Variants in CDH13 observed in about 807,000 individuals in gnomAD.
The protein encoded by CDH13 is cadherin 13, also known as cadherin-13.
In CDH13, 24 loss-of-function variants were observed where a neutral mutation model predicts 63.8. The observed-to-expected ratio is 0.38, with a 90% CI of 0.27 to 0.53. CDH13 has a LOEUF of 0.53. Among genes scored for constraint, CDH13 ranks in the 20% least tolerant of loss-of-function variants. The pLI is 0.85. For synonymous variants in CDH13, 503 were observed against 355.3 expected, an observed-to-expected ratio of 1.42 and a Z score of -4.67; for missense variants, 1,049 against 903.1, an observed-to-expected ratio of 1.16 and a Z score of -2.07.
intron 4 of CDH13, among the ~76,000 whole-genome samples, chr16:83,136,299 T>C (rs1236607934): frequency 6.6e-6 from 1 of 151,412 alleles, no homozygotes; most frequent in Non-Finnish European, 1.5e-5. Flanking sequence ...CTGGCTAACA[T>C]GGTGAAACCC....
At chr16:82,926,675 A>T (rs917686446) in intron 2 of CDH13, among the ~76,000 whole-genome samples, 1 of 152,184 alleles carries the variant, frequency 6.6e-6, no homozygotes, top group Non-Finnish European at 1.5e-5. Flanking sequence ...ATAAGCCAGG[A>T]AGTGATTCTA....
At chr16:83,383,527 G>C (rs1672819575) in intron 6 of CDH13, among the ~76,000 whole-genome samples, 1 of 152,084 alleles carries the variant, frequency 6.6e-6, no homozygotes, top group Non-Finnish European at 1.5e-5. Context: ...TACATTTATG[G>C]TTGGCATTCT....
At chr16:83,708,334 C>T (rs1598535187) in intron 10 of CDH13, among the ~76,000 whole-genome samples, 1 of 152,222 alleles carries the variant, frequency 6.6e-6, no homozygotes, top group South Asian at 2.1e-4. Flanking sequence ...TGCTTGGGTT[C>T]AACCTCATTA....
At chr16:83,232,795 C>A (rs543279428) in intron 5 of CDH13, among the ~76,000 whole-genome samples, 3 of 152,188 alleles carry the variant, frequency 2.0e-5, no homozygotes, top group East Asian at 3.9e-4. Context: ...AATGCAAGAA[C>A]AACCTAACAC....
At chr16:83,063,732 A>G (rs1343616363) in intron 3 of CDH13, among the ~76,000 whole-genome samples, 3 of 152,216 alleles carry the variant, frequency 2.0e-5, no homozygotes, top group African/African-American at 4.8e-5. Context: ...TTGGAGGCCA[A>G]AAGTTCAAAA....
intron 3 of CDH13, among the ~76,000 whole-genome samples, chr16:83,087,300 C>T (rs1256199425): frequency 6.6e-6 from 1 of 152,028 alleles, no homozygotes; most frequent in East Asian, 1.9e-4. Flanking sequence ...CATTTTATTG[C>T]TTTGAAATAT....
At chr16:83,407,578 C>G (rs1209365363) in intron 6 of CDH13, among the ~76,000 whole-genome samples, 1 of 152,114 alleles carries the variant, frequency 6.6e-6, no homozygotes, top group Non-Finnish European at 1.5e-5. Flanking sequence ...ATCTCCTTAG[C>G]CTATAATTGC....
intron 6 of CDH13, among the ~76,000 whole-genome samples, chr16:83,445,026 G>A (rs1348844034): frequency 1.3e-5 from 2 of 151,954 alleles, no homozygotes; most frequent in Admixed American, 6.6e-5. Flanking sequence ...TTCAAATGAG[G>A]CCATGCTAGT....
chr16:83,337,480 G>A (rs1206584008), intron 5 of CDH13, among the ~76,000 whole-genome samples: 1 of 152,168 alleles, frequency 6.6e-6, no homozygotes, highest in African/African-American at 2.4e-5. Flanking sequence ...TTGAAGTACA[G>A]AAAATATTCA....
chr16:82,638,737 A>T (rs1908999223), intron 1 of CDH13, among the ~76,000 whole-genome samples: 1 of 148,352 alleles, frequency 6.7e-6, no homozygotes, highest in South Asian at 2.2e-4. Context: ...TTCATGCCTC[A>T]TAAAATCATT....
intron 1 of CDH13, among the ~76,000 whole-genome samples, chr16:82,776,589 CTATT>C (rs2035508485): frequency 1.3e-5 from 2 of 152,148 alleles, no homozygotes; most frequent in Non-Finnish European, 2.9e-5. Context: ...AGTGCTGTCA[CTATT>C]TGTTTTAGGA....
chr16:83,064,857 T>C (rs911017705), intron 3 of CDH13, among the ~76,000 whole-genome samples: 1 of 152,320 alleles, frequency 6.6e-6, no homozygotes, highest in African/African-American at 2.4e-5. Flanking sequence ...CTTTTTTTGC[T>C]GAGACATTTG....
chr16:83,339,389 A>T (rs2090672479), intron 5 of CDH13, among the ~76,000 whole-genome samples: 1 of 152,192 alleles, frequency 6.6e-6, no homozygotes, highest in Admixed American at 6.5e-5. Context: ...TTATAAATGT[A>T]AAATAGTTTT....
At chr16:82,909,250 ATATG>A (rs1468515782) in intron 2 of CDH13, among the ~76,000 whole-genome samples, 4 of 96,326 alleles carry the variant, frequency 4.2e-5, no homozygotes, top group East Asian at 2.7e-4. Context: ...GACTGACTGT[ATATG>A]TGTGTGTGTG....
intron 3 of CDH13, among the ~76,000 whole-genome samples, chr16:83,094,568 G>T (rs2151589425): frequency 6.6e-6 from 1 of 152,268 alleles, no homozygotes; most frequent in African/African-American, 2.4e-5. Context: ...ATAATCTTGG[G>T]AGAGGTGCTG....
chr16:82,746,837 A>G lies in CDH13; in HGVS notation c.46-111525A>G, dbSNP rs1046065110. ...ATCATTTGCTTTGTTTTGGTGTGAT[A>G]GAGATTTTTTGTAACGATCACTTAT... On this transcript the variant is annotated intron_variant, in intron 1 of 13. Transcript: ENST00000567109. Among the ~76,000 whole-genome samples the G allele has an allele frequency of 2.6e-5, 4 of 152,314 alleles. No homozygotes were observed. In the South Asian group the frequency reaches 8.3e-4, roughly 32 times the overall value.
chr16:83,012,570 A>G (rs1049076076), intron 2 of CDH13, among the ~76,000 whole-genome samples: 3 of 152,088 alleles, frequency 2.0e-5, no homozygotes, highest in African/African-American at 4.8e-5. Flanking sequence ...AGAAAAAACT[A>G]TATATATATG....
chr16:83,567,249 C>G (rs1312551501), intron 7 of CDH13, among the ~76,000 whole-genome samples: 2 of 152,218 alleles, frequency 1.3e-5, no homozygotes, highest in South Asian at 2.1e-4. Context: ...TTCGCCTTCC[C>G]TAGCAATCTG....
At chr16:83,364,488 G>C (rs976248747) in intron 6 of CDH13, among the ~76,000 whole-genome samples, 3 of 152,134 alleles carry the variant, frequency 2.0e-5, no homozygotes, top group Admixed American at 6.5e-5. Flanking sequence ...ACTTACCTAA[G>C]TCTCACAACT....
Sources: allele counts gnomAD v4.1 joint callset (sites outside exome capture counted in the v4.1 genomes callset), GRCh38; gene constraint gnomAD v4.1.1; transcripts MANE v1.5; gene names NCBI Gene and HGNC (gene_info 2026-07-23, HGNC 2026-07-21).